The following QSOX2 variants were observed in gnomAD, a reference collection of about 807,000 sequenced individuals.
QSOX2 encodes the protein sulfhydryl oxidase 2.
QSOX2 carries 46 observed loss-of-function variants against 61.7 expected under a neutral mutation model. The ratio of observed to expected loss-of-function variants is 0.75; its 90% CI spans 0.59 to 0.95. The LOEUF (loss-of-function observed/expected upper bound fraction) is 0.95. Among genes scored for constraint, QSOX2 ranks in the 40% least tolerant of loss-of-function variants. The pLI is 0.00. For synonymous variants in QSOX2, 383 were observed against 388.4 expected, an observed-to-expected ratio of 0.99 and a Z score of 0.16; for missense variants, 879 against 918.9, an observed-to-expected ratio of 0.96 and a Z score of 0.56.
At chr9:136,212,118 CTT>C in intron 10 of QSOX2, among the ~76,000 whole-genome samples, 1 of 152,214 alleles carries the variant, frequency 6.6e-6, no homozygotes, top group Non-Finnish European at 1.5e-5. Context: ...GGCCGGGGCG[CTT>C]CCGCAGATAC....
intron 1 of QSOX2, among the ~76,000 whole-genome samples, chr9:136,244,994 T>C (rs1278531541): frequency 6.6e-6 from 1 of 152,026 alleles, no homozygotes; most frequent in Non-Finnish European, 1.5e-5. Context: ...GGGAATGGGG[T>C]GGCTACGAGT....
intron 1 of QSOX2, among the ~76,000 whole-genome samples, chr9:136,235,655 G>A (rs1395718009): frequency 1.3e-5 from 2 of 152,186 alleles, no homozygotes; most frequent in Non-Finnish European, 2.9e-5. Flanking sequence ...GAGCTGGGTG[G>A]CCAGCAAGCA....
chr9:136,219,732 G>A (rs980724657), intron 6 of QSOX2, among the ~76,000 whole-genome samples: 7 of 152,376 alleles, frequency 4.6e-5, no homozygotes, highest in African/African-American at 1.2e-4. Flanking sequence ...GAGCACTTCA[G>A]TGTGACGTGG....
intron 8 of QSOX2, among the ~76,000 whole-genome samples, chr9:136,217,620 G>A (rs552719933): frequency 6.6e-6 from 1 of 152,338 alleles, no homozygotes; most frequent in East Asian, 1.9e-4. Flanking sequence ...CTCAGGAGTT[G>A]CCCAGAGCAC....
At chr9:136,214,195 T>A (rs1325895131) in intron 10 of QSOX2, among the ~76,000 whole-genome samples, 1 of 152,232 alleles carries the variant, frequency 6.6e-6, no homozygotes, top group Non-Finnish European at 1.5e-5. Context: ...CATACTTTAG[T>A]GTTCTGTGAA....
chr9:136,226,351 G>A (rs543700796), intron 2 of QSOX2, among the ~76,000 whole-genome samples: 7 of 152,320 alleles, frequency 4.6e-5, no homozygotes, highest in South Asian at 4.1e-4. Flanking sequence ...GAAGGCAGAG[G>A]CCCTGTGCCT....
chr9:136,228,146 C>T (rs771069900), intron 1 of QSOX2, among the ~76,000 whole-genome samples: 1 of 152,136 alleles, frequency 6.6e-6, no homozygotes, highest in South Asian at 2.1e-4. Flanking sequence ...GGTGACATTA[C>T]TTTGTAGGTA....
intron 10 of QSOX2, among the ~76,000 whole-genome samples, chr9:136,211,978 G>A (rs865791774): frequency 2.0e-5 from 3 of 152,244 alleles, no homozygotes; most frequent in South Asian, 2.1e-4. Context: ...GTGGGGACAC[G>A]GCCTTAGGAA....
At position 136,207,748 on chromosome 9, in the gene QSOX2, A is replaced by T. The variant is rs927360991; in HGVS notation, c.*980T>A. 6.6e-6 allele frequency: 1 copy of T among 152,156 alleles called. No individual in the cohort carries two copies. Among genetic ancestry groups the T allele is most frequent in the African/African-American group, 2.4e-5 (1 of 41,346 alleles). The allele number at this position is 152,156 out of a possible 1,614,324, so 9.4% of individuals were successfully genotyped here. ...TGGTGCTGGGTGAAGAGCAGACGAC[A>T]GGGGGGGCTTTAGAAGTCTCCCTGG... On this transcript the variant is annotated 3_prime_UTR_variant, in exon 12 of 12. Transcript: ENST00000358701.
chr9:136,229,307 C>A (rs772832843), intron 1 of QSOX2, among the ~76,000 whole-genome samples: 3 of 152,166 alleles, frequency 2.0e-5, no homozygotes, highest in Non-Finnish European at 2.9e-5. Context: ...GCGCAGCAGA[C>A]GGCACGGGAC....
intron 1 of QSOX2, 74 bp from the exon 2 acceptor site, chr9:136,226,948 A>G: frequency 1.5e-6 from 2 of 1,330,304 alleles, no homozygotes; most frequent in African/African-American, 1.4e-5. Flanking sequence ...AGCAGTCCCC[A>G]CTCCAGGCTG....
chr9:136,207,515 T>G lies in QSOX2; in HGVS notation c.*1213A>C, dbSNP rs1831782860. ...ATGTTCCCAGAAATAGTGTATTTGTTTGTTTACATCTTCAGAGGCAACGGA... is the reference window on the plus strand; with the variant it reads ...ATGTTCCCAGAAATAGTGTATTTGTGTGTTTACATCTTCAGAGGCAACGGA... On this transcript the variant is annotated 3_prime_UTR_variant, in exon 12 of 12. Coordinates refer to ENST00000358701, the MANE Select transcript of QSOX2 (RefSeq NM_181701.4). 6.6e-6 allele frequency: 1 copy of G among 152,288 alleles called. No homozygotes were observed. Among genetic ancestry groups the G allele is most frequent in the Admixed American group, 6.5e-5 (1 of 15,282 alleles). 9.4% of individuals were successfully genotyped at this position (152,288 alleles called of 1,614,324 possible). A position where few individuals can be genotyped will look rare whatever the true frequency, so the allele number is the denominator to read the frequency against.
chr9:136,230,321 G>A (rs181203698), intron 1 of QSOX2, among the ~76,000 whole-genome samples: 35 of 152,334 alleles, frequency 2.3e-4, no homozygotes, highest in East Asian at 9.6e-4. Context: ...CTCAGGCAGC[G>A]CTAGAGAGAA....
rs1554758440 is a variant in QSOX2 at position 136,245,638 on chromosome 9, A to C, written c.166T>G (p.Tyr56Asp). Reference protein sequence around the residue: ...GPGAGGAARLYRAGEDAVWVL... With the variant: ...GPGAGGAARLDRAGEDAVWVL... ...CACACGGCGTCCTCGCCCGCGCGGTACAGCCGCGCCGCACCGCCCGCGCCC... is the reference window on the plus strand; with the variant it reads ...CACACGGCGTCCTCGCCCGCGCGGTCCAGCCGCGCCGCACCGCCCGCGCCC... Residue 56 changes from tyrosine (Y) to aspartate (D), a missense_variant, in exon 1 of 12, where the codon TAC becomes GAC. Transcript: ENST00000358701. 3.1e-5 allele frequency: 43 copies of C among 1,383,830 alleles called. No individual in the cohort carries two copies. The highest frequency in any genetic ancestry group is 4.0e-5 in the Non-Finnish European group (43 of 1,071,884). The allele number at this position is 1,383,830 out of a possible 1,614,324, so 85.7% of individuals were successfully genotyped here. A position where few individuals can be genotyped will look rare whatever the true frequency, so the allele number is the denominator to read the frequency against.
intron 10 of QSOX2, 81 bp from the exon 11 acceptor site, chr9:136,211,533 G>T: frequency 6.9e-7 from 1 of 1,439,266 alleles, no homozygotes; most frequent in Non-Finnish European, 9.6e-7. Context: ...AGCCTGGGGG[G>T]AAACCGCTCC....
chr9:136,209,960 C>G lies in QSOX2; in HGVS notation c.1550-685G>C. ...CTCCTAGCTCTCGGAGCCCCTGCGA[C>G]CCGACTTGCTGACACCTGGCCACCC... On this transcript the variant is annotated intron_variant, in intron 11 of 11. Transcript: ENST00000358701. This position sits in a 1 kb window ranked among gnomAD's most constrained non-coding sequence, Gnocchi z 5.6. The G allele has an allele frequency of 1.0e-6, 1 of 985,450 alleles. No individual in the cohort carries two copies. Among genetic ancestry groups the G allele is most frequent in the Non-Finnish European group, 1.2e-6 (1 of 829,934 alleles). The allele number at this position is 985,450 out of a possible 1,614,324, so 61.0% of individuals were successfully genotyped here.
chr9:136,221,704 C>T lies in QSOX2; in HGVS notation c.821+92G>A, dbSNP rs572087215. On this transcript the variant is annotated intron_variant, in intron 6 of 11. Transcript: ENST00000358701. The surrounding 1 kb of genome is among the most constrained non-coding windows in gnomAD (Gnocchi z 4.5). ...CGAGGCGGAGGGGCCAGGGCTCCCC[C>T]GATCTCACACCAGACTTGCACTGTC... The T allele has an allele frequency of 6.6e-5, 91 of 1,388,576 alleles. No homozygotes were observed. The East Asian group carries it at 1.8e-3, about 27-fold the overall frequency. The allele number at this position is 1,388,576 out of a possible 1,614,324, so 86.0% of individuals were successfully genotyped here. A position where few individuals can be genotyped will look rare whatever the true frequency, so the allele number is the denominator to read the frequency against.
Position 136,224,925 on chromosome 9 carries a change from C to T in QSOX2, c.430-16G>A. 1 of 1,598,634 alleles carries T rather than the reference C, an allele frequency of 6.3e-7. No homozygotes were observed. The highest frequency in any genetic ancestry group is 8.5e-7 in the Non-Finnish European group (1 of 1,171,620). ...CTTTAAAATACTAAGAGGAAAAACACAGAACAAGTAAGAGGCAGCCTTCCA... is the reference window on the plus strand; with the variant it reads ...CTTTAAAATACTAAGAGGAAAAACATAGAACAAGTAAGAGGCAGCCTTCCA... On this transcript the variant is annotated splice_polypyrimidine_tract_variant and intron_variant, in intron 2 of 11. Coordinates refer to ENST00000358701, the MANE Select transcript of QSOX2 (RefSeq NM_181701.4).
In QSOX2 at chr9:136,207,136, C is replaced by G. The variant is rs555201228; in HGVS notation, c.*1592G>C. On this transcript the variant is annotated 3_prime_UTR_variant, in exon 12 of 12. Transcript: ENST00000358701. The stretch of plus-strand genomic sequence containing the variant: ...CACCGCTCCCACCAGACACCTCTCC[C>G]GCCAGCTGCAGGGCCCTGGGCAGCG... 1.3e-5 allele frequency: 2 copies of G among 152,240 alleles called. No individual in the cohort carries two copies. Among genetic ancestry groups the G allele is most frequent in the African/African-American group, 4.8e-5 (2 of 41,408 alleles). The allele number at this position is 152,240 out of a possible 1,614,324, so 9.4% of individuals were successfully genotyped here.
Sources: allele counts gnomAD v4.1 joint callset (sites outside exome capture counted in the v4.1 genomes callset), GRCh38; gene constraint gnomAD v4.1.1; non-coding constraint Gnocchi (gnomAD v3.1); transcripts MANE v1.5; gene names NCBI Gene and HGNC (gene_info 2026-07-23, HGNC 2026-07-21).